Variants in NPAS3 observed in about 807,000 individuals in gnomAD.
NPAS3 encodes neuronal PAS domain protein 3, also known as neuronal PAS domain-containing protein 3.
NPAS3 carries 14 observed loss-of-function variants against 73.1 expected under a neutral mutation model. That is an observed-to-expected ratio of 0.19 (90% confidence interval 0.13 to 0.30). The LOEUF (loss-of-function observed/expected upper bound fraction) is 0.30. NPAS3 is among the 10% of genes least tolerant of loss of function. NPAS3 has a pLI of 1.00. For synonymous variants in NPAS3, 620 were observed against 541.5 expected, an observed-to-expected ratio of 1.14 and a Z score of -2.01; for missense variants, 1,096 against 1,250.0, an observed-to-expected ratio of 0.88 and a Z score of 1.86.
intron 4 of NPAS3, among the ~76,000 whole-genome samples, chr14:33,473,597 A>G (rs963807499): frequency 1.3e-5 from 2 of 152,224 alleles, no homozygotes; most frequent in African/African-American, 4.8e-5. Context: ...GGAGTTAATA[A>G]TCTGCTGAGA....
chr14:33,406,047 A>G (rs1156370106), intron 4 of NPAS3, among the ~76,000 whole-genome samples: 2 of 152,148 alleles, frequency 1.3e-5, no homozygotes, highest in Admixed American at 1.3e-4. Flanking sequence ...CAGGAAACAT[A>G]AGCAATGAAG....
intron 6 of NPAS3, among the ~76,000 whole-genome samples, chr14:33,727,212 T>TA (rs11400377): frequency 0.88 from 134,611 of 152,158 alleles, 59,659 homozygotes; most frequent in East Asian, 0.99. Context: ...GCCCCATGGA[T>TA]GGCCGCAGAG....
At chr14:33,452,840 A>G (rs974412217) in intron 4 of NPAS3, among the ~76,000 whole-genome samples, 1 of 151,652 alleles carries the variant, frequency 6.6e-6, no homozygotes, top group African/African-American at 2.4e-5. Context: ...GTGTGACCAA[A>G]GGTGGCAAGT....
intron 7 of NPAS3, 123 bp downstream of exon 7, chr14:33,735,455 A>T: frequency 1.4e-6 from 1 of 701,826 alleles, no homozygotes; most frequent in Admixed American, 2.1e-5. Context: ...AGCCCATAGG[A>T]TTCCCAGTCA....
chr14:33,236,243 C>G (rs2048029724), intron 3 of NPAS3, among the ~76,000 whole-genome samples: 1 of 152,044 alleles, frequency 6.6e-6, no homozygotes, highest in Admixed American at 6.6e-5. Flanking sequence ...AGCTGAAGCT[C>G]TCTTCCTGAC....
intron 5 of NPAS3, among the ~76,000 whole-genome samples, chr14:33,633,977 C>CA (rs764782043): frequency 2.0e-3 from 303 of 150,052 alleles, no homozygotes; most frequent in East Asian, 7.0e-3. Flanking sequence ...GACCATGTCT[C>CA]AAAAAAAAAG....
At chr14:33,516,384 C>T (rs1032378393) in intron 4 of NPAS3, among the ~76,000 whole-genome samples, 1 of 152,158 alleles carries the variant, frequency 6.6e-6, no homozygotes, top group East Asian at 1.9e-4. Flanking sequence ...TTTCATTCTT[C>T]TACCACTTGT....
intron 2 of NPAS3, among the ~76,000 whole-genome samples, chr14:33,184,420 C>T (rs945058310): frequency 3.9e-5 from 6 of 152,028 alleles, no homozygotes; most frequent in Non-Finnish European, 7.4e-5. Context: ...CTGGTTCATA[C>T]GAGGCCTTTA....
chr14:33,017,767 G>C (rs183654772), intron 1 of NPAS3, among the ~76,000 whole-genome samples: 94 of 152,188 alleles, frequency 6.2e-4, no homozygotes, highest in African/African-American at 2.1e-3. Context: ...TGCTTATTTA[G>C]AATTTACTGC....
At chr14:33,459,158 C>A (rs142677724) in intron 4 of NPAS3, among the ~76,000 whole-genome samples, 19 of 152,242 alleles carry the variant, frequency 1.2e-4, no homozygotes, top group African/African-American at 4.6e-4. Context: ...CCAGAGGTCA[C>A]TCTTGTTGCC....
chr14:33,434,150 C>T (rs2048889018), intron 4 of NPAS3, among the ~76,000 whole-genome samples: 2 of 152,106 alleles, frequency 1.3e-5, no homozygotes, highest in Non-Finnish European at 2.9e-5. Context: ...CAAGATTGTG[C>T]CATTTTACTC....
intron 1 of NPAS3, among the ~76,000 whole-genome samples, chr14:33,008,871 G>A (rs944576025): frequency 6.6e-6 from 1 of 152,126 alleles, no homozygotes; most frequent in African/African-American, 2.4e-5. Context: ...CAGTGTTATG[G>A]TCAGTCTGGC....
intron 4 of NPAS3, among the ~76,000 whole-genome samples, chr14:33,541,124 T>C (rs902177285): frequency 9.3e-5 from 14 of 150,874 alleles, no homozygotes; most frequent in Admixed American, 2.6e-4. Flanking sequence ...TGTGTGTGTG[T>C]GTGCATGCAC....
intron 1 of NPAS3, among the ~76,000 whole-genome samples, chr14:33,033,219 C>T (rs1380307204): frequency 6.6e-6 from 1 of 152,128 alleles, no homozygotes; most frequent in African/African-American, 2.4e-5. Flanking sequence ...TGACTCACAT[C>T]TGTTATCCCA....
At chr14:33,242,213 T>G (rs532112986) in intron 3 of NPAS3, among the ~76,000 whole-genome samples, 1 of 152,132 alleles carries the variant, frequency 6.6e-6, no homozygotes, top group South Asian at 2.1e-4. Flanking sequence ...GTATTGAGAA[T>G]AAAAAACAAA....
intron 6 of NPAS3, among the ~76,000 whole-genome samples, chr14:33,731,235 AC>A (rs1481352845): frequency 6.6e-6 from 1 of 151,970 alleles, no homozygotes; most frequent in South Asian, 2.1e-4. Context: ...AACCCCATCT[AC>A]AAAAAATACT....
At chr14:32,945,011 GGTACA>G (rs1458750064) in intron 1 of NPAS3, among the ~76,000 whole-genome samples, 2 of 152,156 alleles carry the variant, frequency 1.3e-5, no homozygotes, top group East Asian at 1.9e-4. Context: ...ATGCGTGCCA[GGTACA>G]GTACTAAATA....
rs71448290 is a variant in NPAS3, at chr14:33,163,623, G to GTT, written c.141-51540_141-51539dup. Among the ~76,000 whole-genome samples, 191 of 110,556 alleles carry GTT rather than the reference G, an allele frequency of 1.7e-3. 2 individuals are homozygous for GTT. Among genetic ancestry groups the GTT allele is most frequent in the South Asian group, 2.2e-3 (7 of 3,170 alleles). 72.5% of individuals were successfully genotyped at this position (110,556 alleles called of 152,430 possible). On this transcript the variant is annotated intron_variant, in intron 2 of 11. Coordinates refer to ENST00000356141, the Ensembl canonical transcript of NPAS3. ...AATACTTAAGCAGAAGTGTTTTGTT[G>GTT]TTTTTTTTTTTTTTTTTTTTCAAAT...
At chr14:33,604,487 G>T (rs904721337) in intron 5 of NPAS3, among the ~76,000 whole-genome samples, 4 of 151,874 alleles carry the variant, frequency 2.6e-5, no homozygotes, top group Non-Finnish European at 4.4e-5. Context: ...CTGCTAAAAT[G>T]CAAGGAGGAA....
Sources: gnomAD v4.1 joint callset for allele counts (sites outside exome capture counted in the v4.1 genomes callset) on GRCh38, gnomAD v4.1.1 for gene constraint, MANE v1.5 for transcripts, NCBI Gene and HGNC (gene_info 2026-07-23, HGNC 2026-07-21) for gene names.